OTUD7A: variants seen among roughly 807,000 people sequenced by gnomAD.
OTUD7A encodes the protein OTU domain-containing protein 7A.
A neutral mutation model predicts 65.7 loss-of-function variants in OTUD7A; 12 were observed. That is an observed-to-expected ratio of 0.18 (90% CI 0.12 to 0.30). The LOEUF is 0.30. Among genes scored for constraint, OTUD7A ranks in the 10% least tolerant of loss-of-function variants. OTUD7A has a pLI of 1.00. For missense variants in OTUD7A, 1,148 were observed against 1,304.8 expected, an observed-to-expected ratio of 0.88 and a Z score of 1.85; for synonymous variants, 641 against 586.3, an observed-to-expected ratio of 1.09 and a Z score of -1.35.
chr15:31,608,326 A>C (rs1360855197), intron 3 of OTUD7A, among the ~76,000 whole-genome samples: 1 of 152,178 alleles, frequency 6.6e-6, no homozygotes, highest in Non-Finnish European at 1.5e-5. Flanking sequence ...AAATAGATGA[A>C]CTAAAAATAA....
chr15:31,782,052 G>A (rs1895555281), intron 1 of OTUD7A, among the ~76,000 whole-genome samples: 1 of 152,210 alleles, frequency 6.6e-6, no homozygotes, highest in Non-Finnish European at 1.5e-5. Context: ...AGTCACGTAA[G>A]GGAATGGGTT....
In OTUD7A at chr15:31,561,874, G is replaced by T. The variant is rs145926642; in HGVS notation, c.332-2687C>A. ...GATGTATAAATAAAATGTTTTACAG[G>T]AATTACCATGATCAAAGTTATGTCT... On this transcript the variant is annotated intron_variant, in intron 4 of 12. Coordinates refer to ENST00000307050, the MANE Select transcript of OTUD7A (RefSeq NM_001382637.1). 2.9e-3 allele frequency among the ~76,000 whole-genome samples: 436 copies of T among 151,882 alleles called. 5 individuals are homozygous for T. The highest frequency in any genetic ancestry group is 0.01 in the African/African-American group (414 of 41,354).
intron 1 of OTUD7A, among the ~76,000 whole-genome samples, chr15:31,802,089 ATGTGTGTGTATATATGTG>A (rs905673938): frequency 2.5e-5 from 3 of 121,910 alleles, no homozygotes; most frequent in African/African-American, 3.1e-5. Context: ...TGGAATATAT[ATGTGTGTGTATATATGTG>A]TGTGTGTGTG....
At chr15:31,717,023 T>G (rs1788846811) in intron 1 of OTUD7A, among the ~76,000 whole-genome samples, 1 of 152,216 alleles carries the variant, frequency 6.6e-6, no homozygotes. Context: ...ACCTCACAAC[T>G]AGATCCCCTC....
intron 1 of OTUD7A, among the ~76,000 whole-genome samples, chr15:31,859,026 G>T (rs1595819697): frequency 1.3e-5 from 2 of 152,006 alleles, no homozygotes; most frequent in Non-Finnish European, 2.9e-5. Flanking sequence ...GATCAAATTA[G>T]ATAATCTACA....
At chr15:31,713,673 C>T (rs944564946) in intron 1 of OTUD7A, among the ~76,000 whole-genome samples, 1 of 149,964 alleles carries the variant, frequency 6.7e-6, no homozygotes, top group African/African-American at 2.4e-5. Context: ...TTAAGAACTT[C>T]TCTGCACTAG....
At chr15:31,669,805 G>A (rs184001991) in intron 1 of OTUD7A, among the ~76,000 whole-genome samples, 2 of 151,930 alleles carry the variant, frequency 1.3e-5, no homozygotes, top group Non-Finnish European at 2.9e-5. Flanking sequence ...GGGACCCAGG[G>A]AGCTCCCAGG....
intron 3 of OTUD7A, among the ~76,000 whole-genome samples, chr15:31,589,539 G>A (rs1428120283): frequency 6.7e-6 from 1 of 148,588 alleles, no homozygotes; most frequent in Non-Finnish European, 1.5e-5. Context: ...CTGGGCTCAA[G>A]GGATCTGCCT....
At chr15:31,570,998 A>C (rs2141173031) in intron 3 of OTUD7A, among the ~76,000 whole-genome samples, 1 of 152,322 alleles carries the variant, frequency 6.6e-6, no homozygotes, top group African/African-American at 2.4e-5. Flanking sequence ...ACAATAACTT[A>C]ATGTATATTT....
intron 1 of OTUD7A, among the ~76,000 whole-genome samples, chr15:31,738,257 A>G (rs1258116966): frequency 6.6e-6 from 1 of 152,090 alleles, no homozygotes; most frequent in Non-Finnish European, 1.5e-5. Context: ...GGAGCTAATG[A>G]TGAGGATTCC....
rs1280254767 is a variant in OTUD7A, at chr15:31,523,541, G to GT, written c.893+2807dup. ...TCTGTGTGGTCCCCACCATAGATGA[G>GT]TCCTGAAGCCAGCCCGCTTGGGGCC... On this transcript the variant is annotated intron_variant, in intron 8 of 12. Transcript: ENST00000307050. Among the ~76,000 whole-genome samples, 3 of 152,286 alleles carry GT rather than the reference G, an allele frequency of 2.0e-5. No individual in the cohort carries two copies. In the East Asian group the frequency reaches 5.8e-4, roughly 29 times the overall value.
intron 3 of OTUD7A, among the ~76,000 whole-genome samples, chr15:31,631,181 C>T (rs1436344347): frequency 1.1e-4 from 16 of 152,240 alleles, no homozygotes; most frequent in Non-Finnish European, 2.2e-4. Flanking sequence ...TTCTTCCTAG[C>T]CTTGATGGTC....
chr15:31,626,461 A>T (rs1404893003), intron 3 of OTUD7A, among the ~76,000 whole-genome samples: 1 of 152,182 alleles, frequency 6.6e-6, no homozygotes, highest in Non-Finnish European at 1.5e-5. Context: ...ATTTAATAGT[A>T]TACTAGTGGG....
intron 1 of OTUD7A, among the ~76,000 whole-genome samples, chr15:31,737,414 AC>A (rs1646552323): frequency 6.6e-6 from 1 of 152,152 alleles, no homozygotes; most frequent in Admixed American, 6.5e-5. Context: ...TCATGAAAAA[AC>A]GACGCAAACT....
chr15:31,484,439 C>T lies in OTUD7A; in HGVS notation c.1657G>A (p.Ala553Thr), dbSNP rs746478184. 66 of 1,603,232 alleles carry T rather than the reference C, an allele frequency of 4.1e-5. 2 individuals are homozygous for T. In the South Asian group the frequency reaches 6.0e-4, roughly 15 times the overall value. ...CCGTTCTTGCCATTGGCGGAGTTGG[C>T]GCGGCCCATCTTGCCGTGCACCAGG... is the stretch of plus-strand genomic sequence containing the variant. ...GGLVHGKMGR[A>T]NSANGKNGDS... The change falls in exon 13 of 13, where the codon GCC (alanine) becomes ACC (threonine). Residue 553 changes from alanine to threonine, a missense_variant. Physicochemically the swap from Ala to Thr is moderately conservative, Grantham distance 58. Transcript: ENST00000307050. This position sits in a 1 kb window ranked among gnomAD's most constrained non-coding sequence, Gnocchi z 4.5.
At chr15:31,543,494 C>T (rs1888043776) in intron 5 of OTUD7A, among the ~76,000 whole-genome samples, 1 of 151,758 alleles carries the variant, frequency 6.6e-6, no homozygotes, top group South Asian at 2.1e-4. Flanking sequence ...ATGCAGCTTG[C>T]AAGAGATAAA....
chr15:31,671,929 C>A (rs1041208696), intron 1 of OTUD7A, among the ~76,000 whole-genome samples: 2 of 152,100 alleles, frequency 1.3e-5, no homozygotes, highest in African/African-American at 4.8e-5. Flanking sequence ...CACCCTCCAT[C>A]CTCAAGTAGG....
intron 10 of OTUD7A, among the ~76,000 whole-genome samples, chr15:31,495,059 G>A (rs2041364210): frequency 6.6e-6 from 1 of 152,164 alleles, no homozygotes; most frequent in Non-Finnish European, 1.5e-5. Flanking sequence ...GGGGATCCAG[G>A]TGTCTGTGCC....
intron 1 of OTUD7A, among the ~76,000 whole-genome samples, chr15:31,822,678 C>T (rs916848050): frequency 6.6e-6 from 1 of 152,160 alleles, no homozygotes; most frequent in African/African-American, 2.4e-5. Context: ...TGTCAGTTGC[C>T]GGGACTTTCT....
Sources: allele counts gnomAD v4.1 joint callset (sites outside exome capture counted in the v4.1 genomes callset), GRCh38; gene constraint gnomAD v4.1.1; non-coding constraint Gnocchi (gnomAD v3.1); transcripts MANE v1.5; gene names NCBI Gene and HGNC (gene_info 2026-07-23, HGNC 2026-07-21).